The following DAB1 variants were observed in gnomAD, a reference collection of about 807,000 sequenced individuals.
DAB1 encodes the protein disabled homolog 1.
In DAB1, 15 loss-of-function variants were observed where a neutral mutation model predicts 64.6. That is an observed-to-expected ratio of 0.23 (90% CI 0.16 to 0.36). The LOEUF (loss-of-function observed/expected upper bound fraction) is 0.36, where lower values mean the gene tolerates loss of function less well. Ranked by LOEUF, DAB1 falls within the 10% of genes least tolerant of loss-of-function variation. The pLI is 1.00. For synonymous variants in DAB1, 235 were observed against 251.9 expected (o/e 0.93, Z 0.64); for missense variants, 596 against 706.7 (o/e 0.84, Z 1.78).
chr1:57,952,828 TC>T (rs143640381), intron 5 of DAB1, among the ~76,000 whole-genome samples: 1,808 of 152,288 alleles, frequency 0.012, 42 homozygotes, highest in African/African-American at 0.041. Context: ...AAGGGGTGGT[TC>T]TGTTTCTGTT....
At chr1:57,870,703 A>C (rs1643931194) in intron 1 of DAB1, among the ~76,000 whole-genome samples, 1 of 152,174 alleles carries the variant, frequency 6.6e-6, no homozygotes, top group African/African-American at 2.4e-5. Flanking sequence ...GCACATACTC[A>C]GTAAATGTGC....
chr1:57,158,262 C>T (rs553856419), intron 2 of DAB1, among the ~76,000 whole-genome samples: 10 of 152,102 alleles, frequency 6.6e-5, no homozygotes, highest in Non-Finnish European at 1.3e-4. Flanking sequence ...CAAAGCTAAC[C>T]ATAGCAAAGT....
chr1:57,597,884 T>C (rs1184640253), intron 7 of DAB1, among the ~76,000 whole-genome samples: 1 of 152,268 alleles, frequency 6.6e-6, no homozygotes, highest in Non-Finnish European at 1.5e-5. Context: ...AAAATATGCA[T>C]ACAAGCCACC....
At chr1:58,338,246 G>A (rs1265830465) in intron 4 of DAB1, among the ~76,000 whole-genome samples, 2 of 152,106 alleles carry the variant, frequency 1.3e-5, no homozygotes. Flanking sequence ...ACAGCAACCT[G>A]AGAGCTGCTC....
chr1:57,587,302 C>A (rs754907013), intron 7 of DAB1, among the ~76,000 whole-genome samples: 55 of 152,164 alleles, frequency 3.6e-4, no homozygotes, highest in Non-Finnish European at 4.6e-4. Flanking sequence ...TAAGAGGTCT[C>A]TAAGGGATAA....
intron 3 of DAB1, among the ~76,000 whole-genome samples, chr1:58,352,114 C>T (rs1644064520): frequency 6.6e-6 from 1 of 151,898 alleles, no homozygotes; most frequent in African/African-American, 2.4e-5. Flanking sequence ...TTATCTCAGA[C>T]ATGTCTCAGT....
At chr1:57,746,112 T>G (rs1021965642) in intron 6 of DAB1, among the ~76,000 whole-genome samples, 2 of 152,180 alleles carry the variant, frequency 1.3e-5, no homozygotes, top group Non-Finnish European at 2.9e-5. Flanking sequence ...GGTTTAAATG[T>G]TTTAAATTAT....
At chr1:57,205,554 G>A (rs1665469360) in intron 2 of DAB1, among the ~76,000 whole-genome samples, 1 of 152,178 alleles carries the variant, frequency 6.6e-6, no homozygotes, top group Non-Finnish European at 1.5e-5. Context: ...ATAGAACTAA[G>A]AGTGATTCAT....
chr1:58,194,276 T>C (rs866382064), intron 4 of DAB1, among the ~76,000 whole-genome samples: 2 of 152,258 alleles, frequency 1.3e-5, no homozygotes, highest in Non-Finnish European at 2.9e-5. Flanking sequence ...CTATGTGATA[T>C]TTGCTATTTC....
intron 5 of DAB1, among the ~76,000 whole-genome samples, chr1:58,001,450 G>C (rs1646506036): frequency 6.6e-6 from 1 of 152,030 alleles, no homozygotes; most frequent in South Asian, 2.1e-4. Flanking sequence ...ACTGGAGATG[G>C]GGTTTCACCA....
chr1:57,023,648 C>G lies in DAB1; in HGVS notation c.787-9G>C. ...CCTGGAGTTGCAGGAGTCTGCCAGA[C>G]AGAGAGAGGCAGAGGACACATGAGA... On this transcript the variant is annotated splice_polypyrimidine_tract_variant and intron_variant, in intron 10 of 14. Transcript: ENST00000371236. 5 of 1,549,450 alleles carry G rather than the reference C, an allele frequency of 3.2e-6. No individual in the cohort carries two copies. Among genetic ancestry groups the G allele is most frequent in the Non-Finnish European group, 4.4e-6 (5 of 1,125,306 alleles).
intron 2 of DAB1, among the ~76,000 whole-genome samples, chr1:57,224,605 A>G (rs1289598993): frequency 6.6e-6 from 1 of 152,216 alleles, no homozygotes; most frequent in East Asian, 1.9e-4. Flanking sequence ...TCTGAACAGC[A>G]TCTCCCTTTG....
At chr1:58,305,488 C>G (rs1662284369) in intron 4 of DAB1, among the ~76,000 whole-genome samples, 1 of 152,128 alleles carries the variant, frequency 6.6e-6, no homozygotes. Flanking sequence ...ATTACATACT[C>G]TTCATAAAAT....
intron 7 of DAB1, among the ~76,000 whole-genome samples, chr1:57,616,452 G>C (rs920975878): frequency 3.9e-5 from 6 of 152,132 alleles, no homozygotes; most frequent in South Asian, 2.1e-4. Flanking sequence ...TTGCTCACCT[G>C]GTTTCTCCAA....
At chr1:57,606,476 A>G (rs1261667990) in intron 7 of DAB1, among the ~76,000 whole-genome samples, 2 of 111,230 alleles carry the variant, frequency 1.8e-5, no homozygotes, top group African/African-American at 7.6e-5. Flanking sequence ...TACATATGAA[A>G]TATATAATAC....
chr1:57,354,867 C>T (rs1424465), intron 1 of DAB1, among the ~76,000 whole-genome samples: 80,034 of 151,842 alleles, frequency 0.53, 21,905 homozygotes, highest in African/African-American at 0.59. Context: ...ATTAAAATAT[C>T]CCATCAGGAC....
chr1:58,510,695 A>G (rs1244416862), intron 2 of DAB1, among the ~76,000 whole-genome samples: 2 of 152,070 alleles, frequency 1.3e-5, no homozygotes, highest in Non-Finnish European at 2.9e-5. Flanking sequence ...TTTGCAGATG[A>G]TATGATCTTA....
At chr1:58,505,763 A>G (rs1417365494) in intron 3 of DAB1, among the ~76,000 whole-genome samples, 1 of 152,220 alleles carries the variant, frequency 6.6e-6, no homozygotes, top group Non-Finnish European at 1.5e-5. Flanking sequence ...AAAAAACTTA[A>G]TATGCCTTGA....
intron 1 of DAB1, chr1:58,541,744 G>A (rs1400926716): frequency 6.8e-6 from 1 of 147,340 alleles, no homozygotes; most frequent in Non-Finnish European, 1.5e-5. Flanking sequence ...ATAATATTGT[G>A]GTTATCTGAC....
Sources: allele counts gnomAD v4.1 joint callset (sites outside exome capture counted in the v4.1 genomes callset), GRCh38; gene constraint gnomAD v4.1.1; transcripts MANE v1.5; gene names NCBI Gene and HGNC (gene_info 2026-07-23, HGNC 2026-07-21).